The following ZNF180 variants were observed in gnomAD, a reference collection of about 807,000 sequenced individuals.
ZNF180 encodes the protein zinc finger protein 180 (HHZ168).
A neutral mutation model predicts 11.8 loss-of-function variants in ZNF180; 11 were observed. That is an observed-to-expected ratio of 0.93 (90% CI 0.59 to 1.55). ZNF180 has a LOEUF of 1.55. ZNF180 is among the 40% of genes most tolerant of loss of function. The pLI is 0.00. For synonymous variants in ZNF180, 287 were observed against 257.7 expected (o/e 1.11, Z -1.09); for missense variants, 773 against 781.7 (o/e 0.99, Z 0.13).
At chr19:44,488,365 C>A (rs551386498) in intron 2 of ZNF180, among the ~76,000 whole-genome samples, 91 of 152,096 alleles carry the variant, frequency 6.0e-4, no homozygotes, top group African/African-American at 2.1e-3. Flanking sequence ...AACCTCCCTG[C>A]CTGATTCTCC....
intron 2 of ZNF180, chr19:44,496,698 GAAGA>G (rs1266686569): frequency 3.5e-5 from 4 of 113,390 alleles, no homozygotes; most frequent in Non-Finnish European, 5.6e-5. Context: ...AAAAAAAAAA[GAAGA>G]AAGAAAAGAA....
intron 2 of ZNF180, chr19:44,484,654 A>T: frequency 1.8e-6 from 1 of 571,040 alleles, no homozygotes; most frequent in African/African-American, 1.9e-5. Flanking sequence ...AGATACCTGG[A>T]CATGAGGTCT....
Position 44,487,686 on chromosome 19 carries a change from G to A in ZNF180, c.52-3251C>T, listed in dbSNP as rs549796742. 1.1e-4 allele frequency among the ~76,000 whole-genome samples: 16 copies of A among 152,276 alleles called. No homozygotes were observed. In the East Asian group the frequency reaches 3.1e-3, roughly 29 times the overall value. ...AGCCCCTGGGGCTGCTCTGCTTATG[G>A]AGTAGCCATTCCTTATTCTTTTACT... is the stretch of plus-strand genomic sequence containing the variant. On this transcript the variant is annotated intron_variant, in intron 2 of 4. Transcript: ENST00000592529.
chr19:44,489,998 AAAG>A (rs1970394509), intron 2 of ZNF180, among the ~76,000 whole-genome samples: 12 of 67,460 alleles, frequency 1.8e-4, no homozygotes, highest in African/African-American at 8.2e-4. Flanking sequence ...AAAAAGCAAG[AAAG>A]AAAGAAAAGA....
chr19:44,495,574 A>C lies in ZNF180; in HGVS notation c.51+1710T>G, dbSNP rs557025225. ...CCACTCTGGCTCCAACACCCCATCT[A>C]CCATGGACACCTGCTCACTGCACTT... is the stretch of plus-strand genomic sequence containing the variant. On this transcript the variant is annotated intron_variant, in intron 2 of 4. Transcript: ENST00000592529. The surrounding 1 kb of genome is among the most constrained non-coding windows in gnomAD (Gnocchi z 4.5). Among the ~76,000 whole-genome samples, 83 of 152,036 alleles carry C rather than the reference A, an allele frequency of 5.5e-4. No homozygotes were observed. The highest frequency in any genetic ancestry group is 1.4e-3 in the African/African-American group (59 of 41,454).
intron 2 of ZNF180, among the ~76,000 whole-genome samples, chr19:44,489,240 C>A (rs1970355392): frequency 7.3e-6 from 1 of 136,234 alleles, no homozygotes; most frequent in African/African-American, 2.6e-5. Context: ...GGGAGGTGTA[C>A]CCAACAGCTC....
Position 44,476,314 on chromosome 19 carries a change from A to T in ZNF180, c.*88T>A. 2 of 1,231,328 alleles carry T rather than the reference A, an allele frequency of 1.6e-6. No individual in the cohort carries two copies. Among genetic ancestry groups the T allele is most frequent in the Non-Finnish European group, 2.2e-6 (2 of 902,540 alleles). The allele number at this position is 1,231,328 out of a possible 1,614,324, so 76.3% of individuals were successfully genotyped here. On this transcript the variant is annotated 3_prime_UTR_variant, in exon 5 of 5. Transcript: ENST00000592529. ...GTTTTCCCACATATATTGTTTTTAT[A>T]GTAGTTCTTCCAACTACATGTACTA...
chr19:44,484,385 A>G lies in ZNF180; in HGVS notation c.102T>C (p.Thr34=). The change falls in exon 3 of 5, where the codon ACT becomes ACC. Residue 34 remains threonine, a synonymous_variant. Transcript: ENST00000592529. ...CCTGAGATGGGATGGTCAGAGACCC[A>G]GTGTCTTCTCCCTCGACTTTGATGA... The part of the protein sequence containing the change: ...EIIIKVEGED[T]GSLTIPSQEG... The G allele has an allele frequency of 6.2e-7, 1 of 1,613,994 alleles. No homozygotes were observed. The highest frequency in any genetic ancestry group is 1.7e-5 in the Admixed American group (1 of 60,014).
chr19:44,484,759 C>T (rs1970179688), intron 2 of ZNF180: 2 of 304,018 alleles, frequency 6.6e-6, no homozygotes, highest in South Asian at 7.1e-5. Flanking sequence ...AACTGTCCAG[C>T]GGGACCTGCC....
rs773771928 is a variant in ZNF180 at position 44,476,359 on chromosome 19, A to G, written c.*43T>C. The G allele has an allele frequency of 1.3e-6, 2 of 1,504,618 alleles. No individual in the cohort carries two copies. The highest frequency in any genetic ancestry group is 1.8e-6 in the Non-Finnish European group (2 of 1,126,822). The allele number at this position is 1,504,618 out of a possible 1,614,324, so 93.2% of individuals were successfully genotyped here. On this transcript the variant is annotated 3_prime_UTR_variant, in exon 5 of 5. Transcript: ENST00000592529. ...GTACTACCTTAAAATAAATTTTTTA[A>G]AAGAATGAAATAAAAAGGAAGAAAT...
intron 3 of ZNF180, among the ~76,000 whole-genome samples, chr19:44,483,868 C>A (rs953424254): frequency 6.6e-6 from 1 of 152,032 alleles, no homozygotes; most frequent in African/African-American, 2.4e-5. Context: ...TATTTTCAAT[C>A]CCTTTAAAAA....
intron 2 of ZNF180, among the ~76,000 whole-genome samples, chr19:44,490,093 AAAGAGCGAAAGGAAGGGAAAGAAAG>A (rs1223821804): frequency 6.9e-4 from 87 of 125,858 alleles, no homozygotes; most frequent in Non-Finnish European, 1.3e-3. Context: ...AAGGGAAGGG[AAAGAGCGAAAGGAAGGGAAAGAAAG>A]AGGGAAGGGA....
At chr19:44,489,963 AAAG>A (rs1970390618) in intron 2 of ZNF180, among the ~76,000 whole-genome samples, 1 of 143,180 alleles carries the variant, frequency 7.0e-6, no homozygotes, top group Admixed American at 7.1e-5. Flanking sequence ...GAAAAGAAAG[AAAG>A]AAAAGAAAGA....
chr19:44,497,493 T>G, intron 1 of ZNF180, 116 bp from the exon 2 acceptor site: 1 of 1,036,346 alleles, frequency 9.6e-7, no homozygotes, highest in East Asian at 3.0e-5. Context: ...GCAAATGCAC[T>G]TCTGGAGGTT....
chr19:44,490,154 G>A (rs553425010), intron 2 of ZNF180, among the ~76,000 whole-genome samples: 4 of 102,218 alleles, frequency 3.9e-5, no homozygotes, highest in African/African-American at 1.8e-4. Context: ...AGGGAAAAAG[G>A]AAATAGGAGA....
chr19:44,500,059 C>A, intron 1 of ZNF180: 3 of 1,267,380 alleles, frequency 2.4e-6, no homozygotes, highest in Non-Finnish European at 3.4e-6. Flanking sequence ...CAGACAAGAG[C>A]ACCACCTGAC....
chr19:44,488,597 G>A (rs939388693), intron 2 of ZNF180, among the ~76,000 whole-genome samples: 2 of 152,034 alleles, frequency 1.3e-5, no homozygotes, highest in East Asian at 1.9e-4. Context: ...GTGCAGTGGC[G>A]TGATCTCGGC....
chr19:44,476,963 A>C lies in ZNF180; in HGVS notation c.1437T>G (p.Tyr479Ter). 1.9e-6 allele frequency: 3 copies of C among 1,613,866 alleles called. No homozygotes were observed. Among genetic ancestry groups the C allele is most frequent in the Non-Finnish European group, 1.7e-6 (2 of 1,179,942 alleles). Reference protein sequence around the residue: ...NQCGKSFSQSYKLVAHQRTHT... With the variant: ...NQCGKSFSQS ...GAGTTCTCTGATGAGCAACAAGTTT[A>C]TAACTTTGACTAAAGGATTTCCCAC... The change falls in exon 5 of 5, where the codon TAT (tyrosine) becomes TAG (stop). Residue 479 changes from tyrosine to a stop codon, truncating the protein, a stop_gained. Transcript: ENST00000592529. LOFTEE classifies it low-confidence loss of function (END_TRUNC).
chr19:44,476,251 G>T lies in ZNF180; in HGVS notation c.*151C>A. ...ATAGACTTTCCCCCTTTCTTTTCCA[G>T]AACAAATTTGAGACACACAATTAAC... On this transcript the variant is annotated 3_prime_UTR_variant, in exon 5 of 5. Coordinates refer to ENST00000592529, the MANE Select transcript of ZNF180 (RefSeq NM_001278509.3). 1 of 741,286 alleles carries T rather than the reference G, an allele frequency of 1.3e-6. No individual in the cohort carries two copies. The highest frequency in any genetic ancestry group is 2.0e-6 in the Non-Finnish European group (1 of 497,582). 45.9% of individuals were successfully genotyped at this position (741,286 alleles called of 1,614,324 possible).
Sources: gnomAD v4.1 joint callset for allele counts (sites outside exome capture counted in the v4.1 genomes callset) on GRCh38, gnomAD v4.1.1 for gene constraint, Gnocchi (gnomAD v3.1) non-coding constraint, MANE v1.5 for transcripts, NCBI Gene and HGNC (gene_info 2026-07-23, HGNC 2026-07-21) for gene names.